RNF130: variants seen among roughly 807,000 people sequenced by gnomAD.
RNF130 encodes the protein ring finger protein 130.
In RNF130, 21 loss-of-function variants were observed where a neutral mutation model predicts 44.6. That is an observed-to-expected ratio of 0.47 (90% confidence interval 0.33 to 0.68). The LOEUF (loss-of-function observed/expected upper bound fraction) is 0.68, where lower values mean the gene tolerates loss of function less well. Ranked by LOEUF, RNF130 falls within the 30% of genes least tolerant of loss-of-function variation. RNF130 has a pLI of 0.02. For missense variants in RNF130, 479 were observed against 560.6 expected (o/e 0.85, Z 1.47); for synonymous variants, 214 against 210.4 (o/e 1.02, Z -0.15).
intron 1 of RNF130, among the ~76,000 whole-genome samples, chr5:180,053,484 G>A (rs1183833555): frequency 1.3e-5 from 2 of 152,058 alleles, no homozygotes; most frequent in Admixed American, 6.5e-5. Context: ...GCTTTAAGGA[G>A]GACTCAAACA....
chr5:180,024,226 T>A (rs545930534), intron 2 of RNF130, among the ~76,000 whole-genome samples: 98 of 152,264 alleles, frequency 6.4e-4, no homozygotes, highest in African/African-American at 2.3e-3. Context: ...TGTGGTGTCC[T>A]GGGTGGGATC....
chr5:180,025,050 C>A (rs1004906655), intron 2 of RNF130, among the ~76,000 whole-genome samples: 1 of 152,198 alleles, frequency 6.6e-6, no homozygotes, highest in Non-Finnish European at 1.5e-5. Context: ...TCCCAAAATA[C>A]CCCTGCCTTG....
chr5:180,028,774 A>G (rs1171755163), intron 2 of RNF130, among the ~76,000 whole-genome samples: 1 of 152,216 alleles, frequency 6.6e-6, no homozygotes, highest in Non-Finnish European at 1.5e-5. Context: ...ATACCTGTTG[A>G]TTAACTATTT....
intron 7 of RNF130, among the ~76,000 whole-genome samples, chr5:179,938,605 C>G (rs1231272729): frequency 6.6e-6 from 1 of 152,126 alleles, no homozygotes; most frequent in African/African-American, 2.4e-5. Flanking sequence ...ATAACAAAGA[C>G]CTAGTTTACC....
intron 7 of RNF130, among the ~76,000 whole-genome samples, chr5:179,965,482 A>G (rs957952498): frequency 3.9e-5 from 6 of 152,244 alleles, no homozygotes; most frequent in African/African-American, 1.4e-4. Flanking sequence ...TTGAAAGGAC[A>G]TTTCTACATA....
chr5:179,973,494 G>A, intron 5 of RNF130, among the ~76,000 whole-genome samples: 1 of 152,236 alleles, frequency 6.6e-6, no homozygotes. Flanking sequence ...GCTAAGGACT[G>A]GGCCAGGGGC....
chr5:179,913,899 C>T (rs1217953996), exon 8 of RNF130: 1 of 152,242 alleles, frequency 6.6e-6, no homozygotes, highest in Non-Finnish European at 1.5e-5. Context: ...TTTGGGGGCT[C>T]ACGCTTTGCT....
At chr5:180,008,756 C>A (rs1330958528) in intron 3 of RNF130, among the ~76,000 whole-genome samples, 1 of 151,958 alleles carries the variant, frequency 6.6e-6, no homozygotes, top group Non-Finnish European at 1.5e-5. Context: ...CGGTGGCATG[C>A]GCCTGTAATC....
chr5:179,997,844 G>A (rs944945349), intron 3 of RNF130, among the ~76,000 whole-genome samples: 23 of 151,508 alleles, frequency 1.5e-4, no homozygotes, highest in African/African-American at 4.1e-4. Context: ...GGTTTGCTTT[G>A]TTTTCACTTG....
chr5:180,026,408 A>T (rs1297383532), intron 2 of RNF130, among the ~76,000 whole-genome samples: 1 of 152,248 alleles, frequency 6.6e-6, no homozygotes, highest in Non-Finnish European at 1.5e-5. Flanking sequence ...AGTATGCATT[A>T]TTGTAAACTA....
chr5:179,921,752 G>A (rs961971114), intron 7 of RNF130, among the ~76,000 whole-genome samples: 11 of 152,140 alleles, frequency 7.2e-5, no homozygotes, highest in African/African-American at 1.9e-4. Context: ...AGCCAAGATC[G>A]CGCCACACGC....
In RNF130 at chr5:179,980,138, C is replaced by T; in HGVS notation, c.756G>A (p.Lys252=). 2.5e-6 allele frequency: 4 copies of T among 1,614,006 alleles called. No homozygotes were observed. The highest frequency in any genetic ancestry group is 3.4e-6 in the Non-Finnish European group (4 of 1,179,918). Residue 252 remains lysine, a synonymous_variant, in exon 4 of 9, where the codon AAG becomes AAA. Transcript: ENST00000521389. ...ISKLTTRTVK[K]GDKETDPDFD... ...TGTTTCATGACTGTACCTTGTCACC[C>T]TTCTTTACTGTCCTGGTTGTCAATT...
At chr5:179,990,562 G>T (rs1763056907) in intron 3 of RNF130, among the ~76,000 whole-genome samples, 1 of 152,180 alleles carries the variant, frequency 6.6e-6, no homozygotes, top group South Asian at 2.1e-4. Context: ...TGGTGGAGCA[G>T]AGTCTTCTCT....
chr5:179,920,382 C>T (rs1761611219), exon 8 of RNF130: 2 of 702,424 alleles, frequency 2.8e-6, no homozygotes, highest in African/African-American at 3.5e-5. Context: ...CTTTCATACA[C>T]CAGACTCCGA....
At chr5:179,936,009 T>C (rs1349080775) in intron 7 of RNF130, among the ~76,000 whole-genome samples, 4 of 152,226 alleles carry the variant, frequency 2.6e-5, no homozygotes, top group Non-Finnish European at 5.9e-5. Context: ...ATGTGTCTCC[T>C]TTCTGCTCTT....
In RNF130 at chr5:180,071,499, G is replaced by C. The variant is rs1196927554; in HGVS notation, c.204C>G (p.Ala68=). The change falls in exon 1 of 9, where the codon GCC becomes GCG. Residue 68 remains alanine (A), a synonymous_variant. Transcript: ENST00000521389. The part of the protein sequence containing the change: ...RGRYGLDSPK[A]EVRGQVLAPL... Reference sequence around the variant, plus strand: ...GCGCCAGCACCTGGCCGCGGACCTCGGCCTTGGGGGAGTCAAGCCCGTAGC... The same window carrying C: ...GCGCCAGCACCTGGCCGCGGACCTCCGCCTTGGGGGAGTCAAGCCCGTAGC... The C allele has an allele frequency of 1.6e-6, 2 of 1,280,564 alleles. No individual in the cohort carries two copies. Among genetic ancestry groups the C allele is most frequent in the Non-Finnish European group, 2.0e-6 (2 of 1,010,534 alleles). 79.3% of individuals were successfully genotyped at this position (1,280,564 alleles called of 1,614,324 possible).
chr5:179,978,809 G>C (rs1452579091), intron 4 of RNF130, among the ~76,000 whole-genome samples: 1 of 152,196 alleles, frequency 6.6e-6, no homozygotes. Context: ...AGGGTCATTG[G>C]CTCAATTCAA....
intron 2 of RNF130, among the ~76,000 whole-genome samples, chr5:180,036,980 C>A (rs1016821421): frequency 2.6e-5 from 4 of 152,176 alleles, no homozygotes; most frequent in African/African-American, 9.7e-5. Flanking sequence ...TACCTATATA[C>A]ATGCTCTTAA....
chr5:179,993,264 G>A (rs1213169062), intron 3 of RNF130, among the ~76,000 whole-genome samples: 1 of 152,194 alleles, frequency 6.6e-6, no homozygotes, highest in Non-Finnish European at 1.5e-5. Flanking sequence ...GGGTCAAATG[G>A]TATTTCTAGT....
Sources: gnomAD v4.1 joint callset for allele counts (sites outside exome capture counted in the v4.1 genomes callset) on GRCh38, gnomAD v4.1.1 for gene constraint, MANE v1.5 for transcripts, NCBI Gene and HGNC (gene_info 2026-07-23, HGNC 2026-07-21) for gene names.